The following RBBP8 variants were observed in gnomAD, a reference collection of about 807,000 sequenced individuals.
The protein encoded by RBBP8 is RB binding protein 8, endonuclease.
In RBBP8, 88 loss-of-function variants were observed where a neutral mutation model predicts 108.3. The ratio of observed to expected loss-of-function variants is 0.81; its 90% confidence interval spans 0.68 to 0.97. The LOEUF (loss-of-function observed/expected upper bound fraction) is 0.97, where lower values mean the gene tolerates loss of function less well. RBBP8 is among the 50% of genes least tolerant of loss of function. The pLI is 0.00. For missense variants in RBBP8, 1,023 were observed against 1,049.0 expected, an observed-to-expected ratio of 0.98 and a Z score of 0.34; for synonymous variants, 332 against 348.2, an observed-to-expected ratio of 0.95 and a Z score of 0.52.
chr18:22,928,795 G>A (rs976342876), upstream of RBBP8, among the ~76,000 whole-genome samples: 5 of 151,688 alleles, frequency 3.3e-5, no homozygotes, highest in South Asian at 2.1e-4. Flanking sequence ...TCAGCCTCCC[G>A]AGTAGCTGGG....
chr18:22,990,915 G>T, intron 9 of RBBP8, 22 bp from the exon 10 acceptor site: 1 of 1,528,750 alleles, frequency 6.5e-7, no homozygotes, highest in East Asian at 2.3e-5. Flanking sequence ...ACATGGATGT[G>T]CTTCATATTT....
intron 3 of RBBP8, among the ~76,000 whole-genome samples, chr18:22,926,141 T>C (rs145617853): frequency 6.6e-6 from 1 of 152,204 alleles, no homozygotes; most frequent in African/African-American, 2.4e-5. Context: ...GAAATCATTT[T>C]GCTGGCTGCG....
chr18:22,986,305 A>G (rs1278521817), intron 8 of RBBP8, among the ~76,000 whole-genome samples: 1 of 152,252 alleles, frequency 6.6e-6, no homozygotes, highest in Non-Finnish European at 1.5e-5. Flanking sequence ...TAATAAGTCA[A>G]GTAAGATGAA....
At chr18:22,991,859 G>T (rs1915724877) in intron 10 of RBBP8, among the ~76,000 whole-genome samples, 1 of 152,086 alleles carries the variant, frequency 6.6e-6, no homozygotes, top group East Asian at 1.9e-4. Flanking sequence ...TAGATATATA[G>T]ATATCTATCT....
Position 23,006,359 on chromosome 18 carries a change from A to G in RBBP8, c.2288-4A>G, listed in dbSNP as rs372412245. On this transcript the variant is annotated splice_region_variant and splice_polypyrimidine_tract_variant and intron_variant, in intron 15 of 18. Coordinates refer to ENST00000327155, the MANE Select transcript of RBBP8 (RefSeq NM_002894.3). ...AGTTTGTAATGTGCATGTTTTATTT[A>G]TAGCTCATGGTGATAAACAAGACAA... is the stretch of plus-strand genomic sequence containing the variant. 5.0e-6 allele frequency: 8 copies of G among 1,610,834 alleles called. No homozygotes were observed. The highest frequency in any genetic ancestry group is 1.7e-4 in the Middle Eastern group (1 of 5,978).
chr18:22,958,423 A>G (rs964138773), intron 4 of RBBP8, among the ~76,000 whole-genome samples: 1 of 152,234 alleles, frequency 6.6e-6, no homozygotes, highest in Non-Finnish European at 1.5e-5. Context: ...ATAATGACTT[A>G]TTTAAATGTT....
intron 5 of RBBP8, among the ~76,000 whole-genome samples, chr18:22,974,866 A>G (rs955845245): frequency 1.3e-5 from 2 of 152,196 alleles, no homozygotes; most frequent in Non-Finnish European, 2.9e-5. Flanking sequence ...TGTCCTCAGT[A>G]TGTATAATTA....
chr18:22,982,128 A>T, intron 6 of RBBP8, 90 bp from the exon 7 acceptor site: 1 of 1,407,878 alleles, frequency 7.1e-7, no homozygotes, highest in Non-Finnish European at 9.8e-7. Flanking sequence ...TTAGAGCTTC[A>T]TGTTTGTGTT....
At chr18:23,008,899 G>A (rs1171784580) in intron 16 of RBBP8, among the ~76,000 whole-genome samples, 2 of 148,458 alleles carry the variant, frequency 1.3e-5, no homozygotes. Context: ...TCAGCCTCCT[G>A]AGTAGCTGGG....
Position 22,952,413 on chromosome 18 carries a change from T to C in RBBP8, c.248+2700T>C, listed in dbSNP as rs376716698. ...GAATAAGGACCCAGCCAGCAAAAGA[T>C]TGAGAAAGAGAAACTATTAAAATAG... On this transcript the variant is annotated intron_variant, in intron 4 of 18. Transcript: ENST00000327155. Among the ~76,000 whole-genome samples, 15 of 152,160 alleles carry C rather than the reference T, an allele frequency of 9.9e-5. No homozygotes were observed. The South Asian group carries it at 1.5e-3, about 15-fold the overall frequency.
rs1047012743 is a variant in RBBP8, at chr18:22,990,943, C to G, written c.814C>G (p.Gln272Glu). The G allele has an allele frequency of 3.7e-6, 6 of 1,612,250 alleles. No homozygotes were observed. Among genetic ancestry groups the G allele is most frequent in the Admixed American group, 3.3e-5 (2 of 59,986 alleles). The change falls in exon 10 of 19, where the codon CAA (glutamine) becomes GAA (glutamate). Residue 272 changes from glutamine to glutamate, a missense_variant. Gln to Glu is a conservative substitution (Grantham distance 29). Transcript: ENST00000327155. The part of the protein sequence containing the change: ...GLGVQEESET[Q>E]GPMSPLGDEL... ...TCATATTTTACTCTTGAAGGAAACTCAAGGTCCCATGAGCCCCCTTGGTGA... is the reference window on the plus strand; with the variant it reads ...TCATATTTTACTCTTGAAGGAAACTGAAGGTCCCATGAGCCCCCTTGGTGA...
intron 7 of RBBP8, among the ~76,000 whole-genome samples, chr18:22,982,732 C>T (rs1915023926): frequency 1.3e-5 from 2 of 152,126 alleles, no homozygotes; most frequent in African/African-American, 4.8e-5. Flanking sequence ...ATTTCTACCT[C>T]CTGTGTACCA....
intron 15 of RBBP8, among the ~76,000 whole-genome samples, chr18:23,004,331 C>T (rs906590834): frequency 6.6e-6 from 1 of 151,852 alleles, no homozygotes; most frequent in African/African-American, 2.4e-5. Context: ...ACTATTTAAC[C>T]ACTAAAAAGA....
At chr18:22,926,402 G>T (rs991917941) in intron 3 of RBBP8, among the ~76,000 whole-genome samples, 13 of 152,164 alleles carry the variant, frequency 8.5e-5, no homozygotes, top group African/African-American at 2.9e-4. Context: ...CAGCATGGGG[G>T]ATAAGAGCAA....
In RBBP8 at chr18:22,996,374, A is replaced by T. The variant is rs571121362; in HGVS notation, c.1940A>T (p.Asp647Val). The change falls in exon 13 of 19, where the codon GAT becomes GTT. Residue 647 changes from aspartate to valine, a missense_variant and splice_region_variant. Physicochemically the swap from Asp to Val is radical, Grantham distance 152 (BLOSUM62 -3). Coordinates refer to ENST00000327155, the MANE Select transcript of RBBP8 (RefSeq NM_002894.3). ...TGCATGCTCTTTCCCTTTACCTAAGATGTATCCTTTGAAAATATCCAGTGG... is the reference window on the plus strand; with the variant it reads ...TGCATGCTCTTTCCCTTTACCTAAGTTGTATCCTTTGAAAATATCCAGTGG... ...GKIKSLQNNQ[D>V]VSFENIQWSI... 6 of 1,613,376 alleles carry T rather than the reference A, an allele frequency of 3.7e-6. No homozygotes were observed. The Admixed American group carries it at 8.3e-5, about 22-fold the overall frequency.
At chr18:22,933,895 G>A (rs942166406) in intron 1 of RBBP8, 3 of 152,328 alleles carry the variant, frequency 2.0e-5, no homozygotes, top group Non-Finnish European at 4.4e-5. Flanking sequence ...AACCGGCGCG[G>A]GCACCTGGGG....
At chr18:22,989,450 G>A in intron 9 of RBBP8, 132 bp downstream of exon 9, 1 of 636,480 alleles carries the variant, frequency 1.6e-6, no homozygotes, top group Non-Finnish European at 2.8e-6. Flanking sequence ...AACTTACATT[G>A]TTAGAAAGTC....
chr18:22,965,837 A>G (rs909771458), intron 4 of RBBP8, among the ~76,000 whole-genome samples: 3 of 152,196 alleles, frequency 2.0e-5, no homozygotes, highest in East Asian at 1.9e-4. Context: ...GTACTGTCTA[A>G]TAGCATTTTC....
At chr18:23,004,168 T>C (rs2045998018) in intron 15 of RBBP8, among the ~76,000 whole-genome samples, 1 of 151,592 alleles carries the variant, frequency 6.6e-6, no homozygotes, top group Non-Finnish European at 1.5e-5. Context: ...TAAAGAGGTA[T>C]CTGCACTCAC....
Sources: allele counts gnomAD v4.1 joint callset (sites outside exome capture counted in the v4.1 genomes callset), GRCh38; gene constraint gnomAD v4.1.1; transcripts MANE v1.5; gene names NCBI Gene and HGNC (gene_info 2026-07-23, HGNC 2026-07-21).